The following VEGFC variants were observed in gnomAD, a reference collection of about 807,000 sequenced individuals.
The protein encoded by VEGFC is FLT4 ligand DHM.
Under a neutral mutation model 46.1 loss-of-function variants are expected in VEGFC, and 12 were observed. The ratio of observed to expected loss-of-function variants is 0.26; its 90% CI spans 0.17 to 0.42. VEGFC has a LOEUF of 0.42. Ranked by LOEUF, VEGFC falls within the 10% of genes least tolerant of loss-of-function variation. The pLI is 1.00. For missense variants in VEGFC, 488 were observed against 529.4 expected (o/e 0.92, Z 0.77); for synonymous variants, 232 against 195.5 (o/e 1.19, Z -1.56).
chr4:176,690,606 G>A lies in VEGFC; in HGVS notation c.705-2679C>T, dbSNP rs1032660095. Among the ~76,000 whole-genome samples, 3 of 137,358 alleles carry A rather than the reference G, an allele frequency of 2.2e-5. No individual in the cohort carries two copies. In the East Asian group the frequency reaches 8.1e-4, roughly 37 times the overall value. 90.1% of individuals were successfully genotyped at this position (137,358 alleles called of 152,430 possible). On this transcript the variant is annotated intron_variant, in intron 4 of 6. Transcript: ENST00000618562. Reference sequence around the variant, plus strand: ...TTCTAGATAAAATGCAGACAGTCAGGACTTATCCAAAACAGTATCATTGTT... The same window carrying A: ...TTCTAGATAAAATGCAGACAGTCAGAACTTATCCAAAACAGTATCATTGTT...
intron 3 of VEGFC, among the ~76,000 whole-genome samples, chr4:176,717,519 T>C (rs1327251986): frequency 6.6e-6 from 1 of 152,144 alleles, no homozygotes; most frequent in African/African-American, 2.4e-5. Flanking sequence ...CGTACTTATC[T>C]TGCTGGCTAT....
At chr4:176,770,814 G>C (rs1735708532) in intron 1 of VEGFC, among the ~76,000 whole-genome samples, 2 of 151,986 alleles carry the variant, frequency 1.3e-5, no homozygotes, top group African/African-American at 4.8e-5. Context: ...GACTTTTCTT[G>C]TTTTTCCACA....
At chr4:176,691,730 T>A (rs938179218) in intron 4 of VEGFC, among the ~76,000 whole-genome samples, 1 of 152,240 alleles carries the variant, frequency 6.6e-6, no homozygotes, top group African/African-American at 2.4e-5. Context: ...ATAAATGTAT[T>A]CCAAATACGT....
In VEGFC at chr4:176,791,123, G is replaced by A. The variant is rs974848254; in HGVS notation, c.147+1042C>T. Among the ~76,000 whole-genome samples the A allele has an allele frequency of 9.2e-5, 14 of 151,998 alleles. No homozygotes were observed. In the East Asian group the frequency reaches 9.6e-4, roughly 10 times the overall value. On this transcript the variant is annotated intron_variant, in intron 1 of 6. Transcript: ENST00000618562. Reference sequence around the variant, plus strand: ...AATATAAGGCTATTTTCTACACATTGTGTATGTGTTAATCAACAGTCAAAT... The same window carrying A: ...AATATAAGGCTATTTTCTACACATTATGTATGTGTTAATCAACAGTCAAAT...
At chr4:176,760,311 G>T (rs76788246) in intron 1 of VEGFC, among the ~76,000 whole-genome samples, 7,842 of 151,980 alleles carry the variant, frequency 0.052, 563 homozygotes, top group African/African-American at 0.16. Flanking sequence ...CAAAATATAG[G>T]CCATTTTTAA....
chr4:176,727,695 C>T, intron 3 of VEGFC, 83 bp downstream of exon 3: 1 of 1,402,376 alleles, frequency 7.1e-7, no homozygotes. Context: ...TTAAAGCAAC[C>T]AGAAGTTTAA....
intron 4 of VEGFC, among the ~76,000 whole-genome samples, chr4:176,704,699 T>C (rs1252329680): frequency 6.6e-6 from 1 of 152,186 alleles, no homozygotes; most frequent in Non-Finnish European, 1.5e-5. Context: ...ACCAAGCTGT[T>C]CTTTCTATAA....
intron 1 of VEGFC, among the ~76,000 whole-genome samples, chr4:176,763,985 C>A (rs1026312864): frequency 1.3e-5 from 2 of 152,092 alleles, no homozygotes; most frequent in African/African-American, 4.8e-5. Context: ...GCCATACTAA[C>A]GGCACAATAA....
chr4:176,770,417 TGTG>T (rs1182119100), intron 1 of VEGFC, among the ~76,000 whole-genome samples: 62 of 149,048 alleles, frequency 4.2e-4, no homozygotes, highest in African/African-American at 1.5e-3. Flanking sequence ...GCATTGTTTT[TGTG>T]GAAACAGTTT....
intron 1 of VEGFC, among the ~76,000 whole-genome samples, chr4:176,752,588 G>A (rs1393244467): frequency 1.1e-4 from 17 of 152,114 alleles, no homozygotes; most frequent in Admixed American, 1.1e-3. Flanking sequence ...CAATTCAGTA[G>A]TGACGCAAAG....
At chr4:176,703,554 T>A (rs1734472886) in intron 4 of VEGFC, among the ~76,000 whole-genome samples, 1 of 152,098 alleles carries the variant, frequency 6.6e-6, no homozygotes. Context: ...CAAGTTCTAG[T>A]ATTCCACAGC....
intron 1 of VEGFC, among the ~76,000 whole-genome samples, chr4:176,741,856 GTTGT>G (rs1347554517): frequency 6.6e-6 from 1 of 151,894 alleles, no homozygotes; most frequent in Non-Finnish European, 1.5e-5. Context: ...TCCTAATTAA[GTTGT>G]TTTTTTCTCC....
chr4:176,764,883 A>G (rs1735593416), intron 1 of VEGFC, among the ~76,000 whole-genome samples: 1 of 152,186 alleles, frequency 6.6e-6, no homozygotes, highest in Non-Finnish European at 1.5e-5. Context: ...ATCCACAAAT[A>G]AGACTAACAA....
chr4:176,737,752 T>C (rs547652657), intron 1 of VEGFC, among the ~76,000 whole-genome samples: 2 of 151,780 alleles, frequency 1.3e-5, no homozygotes, highest in Non-Finnish European at 2.9e-5. Flanking sequence ...TATTTGAAAA[T>C]CACCCACGTT....
intron 1 of VEGFC, among the ~76,000 whole-genome samples, chr4:176,757,233 A>C (rs1345711713): frequency 6.6e-6 from 1 of 152,046 alleles, no homozygotes; most frequent in African/African-American, 2.4e-5. Context: ...TAAACAGTGA[A>C]TGTTAGGGGC....
At chr4:176,774,279 A>G (rs1365563832) in intron 1 of VEGFC, among the ~76,000 whole-genome samples, 2 of 152,148 alleles carry the variant, frequency 1.3e-5, no homozygotes, top group African/African-American at 4.8e-5. Context: ...ATAATAAATA[A>G]AAATTTTGAT....
intron 1 of VEGFC, among the ~76,000 whole-genome samples, chr4:176,774,622 C>A (rs1235404514): frequency 1.3e-5 from 2 of 152,012 alleles, no homozygotes; most frequent in African/African-American, 4.8e-5. Context: ...ATAACCAATC[C>A]TATAAAATGA....
chr4:176,760,130 C>T (rs1415578180), intron 1 of VEGFC, among the ~76,000 whole-genome samples: 1 of 152,002 alleles, frequency 6.6e-6, no homozygotes, highest in Non-Finnish European at 1.5e-5. Context: ...ATTTTTAAAG[C>T]AGGCTATGAA....
intron 4 of VEGFC, among the ~76,000 whole-genome samples, chr4:176,690,532 A>G (rs1329223136): frequency 6.6e-6 from 1 of 152,040 alleles, no homozygotes; most frequent in Non-Finnish European, 1.5e-5. Flanking sequence ...GTCTCTACTC[A>G]TTGCGCATTT....
Sources: gnomAD v4.1 joint callset for allele counts (sites outside exome capture counted in the v4.1 genomes callset) on GRCh38, gnomAD v4.1.1 for gene constraint, MANE v1.5 for transcripts, NCBI Gene and HGNC (gene_info 2026-07-23, HGNC 2026-07-21) for gene names.